AFF3: variants seen among roughly 807,000 people sequenced by gnomAD.
The protein encoded by AFF3 is ALF transcription elongation factor 3.
AFF3 carries 32 observed loss-of-function variants against 129.7 expected under a neutral mutation model. That is an observed-to-expected ratio of 0.25 (90% CI 0.19 to 0.33). The LOEUF (loss-of-function observed/expected upper bound fraction) is 0.33, where lower values mean the gene tolerates loss of function less well. AFF3 is among the 10% of genes least tolerant of loss of function. The probability of loss-of-function intolerance (pLI) is 1.00; values close to 1 mark genes in which losing one functional copy is unlikely to be tolerated. For synonymous variants in AFF3, 644 were observed against 635.4 expected, an observed-to-expected ratio of 1.01 and a Z score of -0.20; for missense variants, 1,373 against 1,592.0, an observed-to-expected ratio of 0.86 and a Z score of 2.34.
At chr2:99,919,905 C>T (rs766599467) in intron 7 of AFF3, among the ~76,000 whole-genome samples, 1 of 152,062 alleles carries the variant, frequency 6.6e-6, no homozygotes, top group African/African-American at 2.4e-5. Flanking sequence ...ACAGATTATA[C>T]AAAAATTTAA....
At chr2:100,005,653 ATCT>A (rs1681903408) in intron 7 of AFF3, among the ~76,000 whole-genome samples, 1 of 152,234 alleles carries the variant, frequency 6.6e-6, no homozygotes, top group South Asian at 2.1e-4. Flanking sequence ...CTGTCACTTG[ATCT>A]TCTCTACAAA....
intron 21 of AFF3, among the ~76,000 whole-genome samples, chr2:99,559,217 A>G (rs1675240144): frequency 6.6e-6 from 1 of 152,144 alleles, no homozygotes; most frequent in Admixed American, 6.5e-5. Flanking sequence ...TAGGTGAATC[A>G]CTCTGTTGGG....
Position 99,605,147 on chromosome 2 carries a change from T to C in AFF3, c.1185-3526A>G, listed in dbSNP as rs565552270. 6.8e-4 allele frequency among the ~76,000 whole-genome samples: 103 copies of C among 152,362 alleles called. 1 individual carries two copies. The highest frequency in any genetic ancestry group is 2.1e-3 in the African/African-American group (89 of 41,588). On this transcript the variant is annotated intron_variant, in intron 13 of 24. Transcript: ENST00000672756. ...AAGGAGGCAGCATCTCCGATCTGAA[T>C]TACATTGGCAGAAAAACCTTATACG...
intron 7 of AFF3, among the ~76,000 whole-genome samples, chr2:99,990,352 T>G (rs1278703636): frequency 6.6e-6 from 1 of 152,096 alleles, no homozygotes; most frequent in East Asian, 1.9e-4. Context: ...AATTATGAAG[T>G]TTTTTTGCAC....
At chr2:99,675,392 C>T (rs914375434) in intron 11 of AFF3, among the ~76,000 whole-genome samples, 5 of 152,158 alleles carry the variant, frequency 3.3e-5, no homozygotes, top group African/African-American at 7.2e-5. Flanking sequence ...CTGGGAGAGA[C>T]GACCACGGCC....
intron 12 of AFF3, among the ~76,000 whole-genome samples, chr2:99,652,210 G>C (rs1365066223): frequency 2.0e-5 from 3 of 152,166 alleles, no homozygotes. Context: ...AGAAGGCATT[G>C]ATAGCACTGG....
intron 13 of AFF3, among the ~76,000 whole-genome samples, chr2:99,628,364 A>G (rs1002022371): frequency 2.6e-5 from 4 of 151,864 alleles, no homozygotes; most frequent in South Asian, 2.1e-4. Context: ...CTGCTTGCCT[A>G]TTGTTGGTGT....
At chr2:100,090,896 G>A (rs1399435995) in intron 4 of AFF3, among the ~76,000 whole-genome samples, 10 of 151,974 alleles carry the variant, frequency 6.6e-5, no homozygotes, top group African/African-American at 1.5e-4. Flanking sequence ...CACCACATTG[G>A]CCAGGCTGGT....
At chr2:99,970,689 T>C (rs1471979851) in intron 7 of AFF3, among the ~76,000 whole-genome samples, 1 of 152,162 alleles carries the variant, frequency 6.6e-6, no homozygotes, top group Non-Finnish European at 1.5e-5. Flanking sequence ...TTCTCCTCCC[T>C]TTCCTATTGG....
At position 99,903,477 on chromosome 2, in the gene AFF3, C is replaced by T. The variant is rs139490230; in HGVS notation, c.874-65953G>A. 1.2e-4 allele frequency among the ~76,000 whole-genome samples: 19 copies of T among 152,184 alleles called. No individual in the cohort carries two copies. The South Asian group carries it at 2.5e-3, about 20-fold the overall frequency. ...TATAAAATGATTGGCACTGATCAAA[C>T]GTTTTAAAGAGCAGTAGTTGCTTTA... On this transcript the variant is annotated intron_variant, in intron 7 of 24. Transcript: ENST00000672756.
At chr2:99,989,669 C>A (rs1056749006) in intron 7 of AFF3, among the ~76,000 whole-genome samples, 1 of 151,980 alleles carries the variant, frequency 6.6e-6, no homozygotes, top group African/African-American at 2.4e-5. Context: ...AAAAAGAAAG[C>A]GTGAATCATG....
chr2:99,946,667 T>C (rs1675605385), intron 7 of AFF3, among the ~76,000 whole-genome samples: 1 of 151,992 alleles, frequency 6.6e-6, no homozygotes, highest in Non-Finnish European at 1.5e-5. Flanking sequence ...TGGGGTACCC[T>C]AATTTGAAAT....
intron 9 of AFF3, among the ~76,000 whole-genome samples, chr2:99,751,685 A>G (rs1227635385): frequency 6.6e-6 from 1 of 152,198 alleles, no homozygotes; most frequent in Non-Finnish European, 1.5e-5. Context: ...AATCAAAGAA[A>G]GCCTATTAGA....
chr2:99,600,056 T>C lies in AFF3; in HGVS notation c.1371+1379A>G, dbSNP rs866181277. Among the ~76,000 whole-genome samples, 5 of 152,306 alleles carry C rather than the reference T, an allele frequency of 3.3e-5. No homozygotes were observed. In the South Asian group the frequency reaches 6.2e-4, roughly 19 times the overall value. ...TTATGCTGAAGGAATAATAATTTAG[T>C]TTCTGGGAAAAGCCAGGGTTATGTT... On this transcript the variant is annotated intron_variant, in intron 14 of 24. Transcript: ENST00000672756.
intron 7 of AFF3, among the ~76,000 whole-genome samples, chr2:99,840,906 C>T (rs969439960): frequency 3.9e-5 from 6 of 152,212 alleles, no homozygotes; most frequent in African/African-American, 1.4e-4. Context: ...GTCAAACCTA[C>T]AGAATATCAT....
At chr2:100,092,831 G>A (rs1689968274) in intron 4 of AFF3, among the ~76,000 whole-genome samples, 1 of 151,490 alleles carries the variant, frequency 6.6e-6, no homozygotes, top group African/African-American at 2.4e-5. Flanking sequence ...ATGCTGAGTA[G>A]GGTACCCCCG....
At chr2:99,690,271 C>T (rs1382545448) in intron 11 of AFF3, among the ~76,000 whole-genome samples, 1 of 149,954 alleles carries the variant, frequency 6.7e-6, no homozygotes, top group Non-Finnish European at 1.5e-5. Context: ...AGCTCCGCCT[C>T]CCGGGTTCAC....
At chr2:99,747,806 T>G (rs901963332) in intron 9 of AFF3, among the ~76,000 whole-genome samples, 3 of 152,122 alleles carry the variant, frequency 2.0e-5, no homozygotes, top group African/African-American at 7.2e-5. Context: ...TATACTCTCA[T>G]GTTGCTAGCT....
At chr2:99,579,222 A>G (rs2104790859) in intron 17 of AFF3, among the ~76,000 whole-genome samples, 1 of 151,808 alleles carries the variant, frequency 6.6e-6, no homozygotes. Context: ...ACTGACCAAC[A>G]TGGTGAAACT....
Sources: gnomAD v4.1 joint callset for allele counts (sites outside exome capture counted in the v4.1 genomes callset) on GRCh38, gnomAD v4.1.1 for gene constraint, MANE v1.5 for transcripts, NCBI Gene and HGNC (gene_info 2026-07-23, HGNC 2026-07-21) for gene names.